The following CAMTA1 variants were observed in gnomAD, a reference collection of about 807,000 sequenced individuals.
The protein encoded by CAMTA1 is calmodulin binding transcription activator 1, also known as calmodulin-binding transcription activator 1.
In CAMTA1, 27 loss-of-function variants were observed where a neutral mutation model predicts 170.9. That is an observed-to-expected ratio of 0.16 (90% CI 0.12 to 0.22). The LOEUF is 0.22. CAMTA1 is among the 10% of genes least tolerant of loss of function. The pLI is 1.00. For synonymous variants in CAMTA1, 833 were observed against 891.5 expected (o/e 0.93, Z 1.17); for missense variants, 1,619 against 2,217.2 (o/e 0.73, Z 5.42).
chr1:7,554,332 C>T (rs1238366107), intron 6 of CAMTA1, among the ~76,000 whole-genome samples: 1 of 152,130 alleles, frequency 6.6e-6, no homozygotes, highest in African/African-American at 2.4e-5. Context: ...TCTGTAGAGA[C>T]CTAGTATGTG....
At chr1:7,284,352 T>C (rs557478783) in intron 5 of CAMTA1, among the ~76,000 whole-genome samples, 1 of 151,956 alleles carries the variant, frequency 6.6e-6, no homozygotes, top group Non-Finnish European at 1.5e-5. Context: ...TACAGGCCCG[T>C]GCCACCAGGC....
At chr1:6,920,417 T>A (rs1267764678) in intron 3 of CAMTA1, among the ~76,000 whole-genome samples, 1 of 152,238 alleles carries the variant, frequency 6.6e-6, no homozygotes, top group African/African-American at 2.4e-5. Flanking sequence ...CTTGCTACTT[T>A]CACAGGCTGT....
intron 22 of CAMTA1, among the ~76,000 whole-genome samples, chr1:7,761,537 C>T (rs1452192224): frequency 1.3e-5 from 2 of 152,140 alleles, no homozygotes; most frequent in Non-Finnish European, 2.9e-5. Flanking sequence ...TAACCCTTAG[C>T]TAAGTGTGTG....
chr1:6,995,667 G>A (rs1010774670), intron 3 of CAMTA1, among the ~76,000 whole-genome samples: 1 of 152,164 alleles, frequency 6.6e-6, no homozygotes, highest in Non-Finnish European at 1.5e-5. Context: ...CAAGTATGGT[G>A]TGACTAACAG....
At chr1:7,630,629 G>T (rs1341629795) in intron 6 of CAMTA1, among the ~76,000 whole-genome samples, 5 of 152,246 alleles carry the variant, frequency 3.3e-5, no homozygotes, top group Admixed American at 3.3e-4. Context: ...CCAAAGCAGG[G>T]AAGGGCTGCC....
Position 7,333,603 on chromosome 1 carries a change from C to G in CAMTA1, c.438+83977C>G, listed in dbSNP as rs1034194483. 6.6e-6 allele frequency among the ~76,000 whole-genome samples: 1 copy of G among 152,210 alleles called. No individual in the cohort carries two copies. The highest frequency in any genetic ancestry group is 1.9e-4 in the East Asian group (1 of 5,200). ...AAGACAACTTTGTGAAAGGAAAAGG[C>G]TGAGGGGCTTAAATGCTGCTGTCGT... On this transcript the variant is annotated intron_variant, in intron 5 of 22. Transcript: ENST00000303635. This position sits in a 1 kb window ranked among gnomAD's most constrained non-coding sequence, Gnocchi z 4.4.
At chr1:6,885,820 T>C (rs1673049099) in intron 3 of CAMTA1, among the ~76,000 whole-genome samples, 1 of 152,092 alleles carries the variant, frequency 6.6e-6, no homozygotes, top group Non-Finnish European at 1.5e-5. Flanking sequence ...CCCTGATGTG[T>C]GGACACTCTT....
intron 6 of CAMTA1, among the ~76,000 whole-genome samples, chr1:7,497,768 C>T (rs1197254770): frequency 4.6e-5 from 7 of 152,178 alleles, no homozygotes; most frequent in African/African-American, 1.2e-4. Flanking sequence ...AGAGAGCAGA[C>T]GGACTGGAGT....
chr1:7,396,428 C>T (rs995163712), intron 5 of CAMTA1, among the ~76,000 whole-genome samples: 1 of 152,174 alleles, frequency 6.6e-6, no homozygotes, highest in Non-Finnish European at 1.5e-5. Context: ...TATAGCAATA[C>T]AAATAGACTA....
chr1:7,568,422 TCAC>T, intron 6 of CAMTA1, among the ~76,000 whole-genome samples: 1 of 144,732 alleles, frequency 6.9e-6, no homozygotes, highest in Middle Eastern at 3.9e-3. Context: ...ACCATCATCA[TCAC>T]CACATCACCA....
chr1:7,307,028 T>G (rs1675699995), intron 5 of CAMTA1, among the ~76,000 whole-genome samples: 1 of 151,956 alleles, frequency 6.6e-6, no homozygotes, highest in South Asian at 2.1e-4. Context: ...GATCTGTGGA[T>G]TTTTATATCC....
At chr1:7,153,698 CG>C (rs1646707027) in intron 4 of CAMTA1, among the ~76,000 whole-genome samples, 1 of 152,088 alleles carries the variant, frequency 6.6e-6, no homozygotes, top group Non-Finnish European at 1.5e-5. Context: ...ATCTGGTGGG[CG>C]GGGACATTGC....
chr1:7,133,724 G>A (rs1015864311), intron 4 of CAMTA1, among the ~76,000 whole-genome samples: 11 of 152,180 alleles, frequency 7.2e-5, no homozygotes. Flanking sequence ...TGGTGAGAGA[G>A]TGGGAGAACT....
At chr1:7,452,356 GT>G (rs1423069675) in intron 5 of CAMTA1, among the ~76,000 whole-genome samples, 2 of 152,064 alleles carry the variant, frequency 1.3e-5, no homozygotes, top group Non-Finnish European at 2.9e-5. Context: ...GTTTCTTTTT[GT>G]TTGTTTTCAT....
chr1:7,250,320 C>T (rs74051684), intron 5 of CAMTA1, among the ~76,000 whole-genome samples: 9,614 of 152,228 alleles, frequency 0.063, 967 homozygotes, highest in African/African-American at 0.21. Flanking sequence ...GTGTCACAGC[C>T]GTAGAGGGGG....
chr1:7,495,931 G>A (rs1217627146), intron 6 of CAMTA1, among the ~76,000 whole-genome samples: 1 of 152,176 alleles, frequency 6.6e-6, no homozygotes, highest in African/African-American at 2.4e-5. Flanking sequence ...TCCTGTCTTG[G>A]TCTTGCCCAG....
At chr1:7,636,709 CA>C (rs34844874) in intron 6 of CAMTA1, among the ~76,000 whole-genome samples, 30,304 of 137,846 alleles carry the variant, frequency 0.22, 5,905 homozygotes, top group African/African-American at 0.54. Flanking sequence ...AACTCCATCT[CA>C]AAAAAAAAAA....
intron 3 of CAMTA1, among the ~76,000 whole-genome samples, chr1:6,880,339 T>C (rs1671159983): frequency 6.7e-6 from 1 of 149,196 alleles, no homozygotes; most frequent in Non-Finnish European, 1.5e-5. Flanking sequence ...CCTCCCAACG[T>C]GTGGGGTTAC....
rs930667800 is a variant in CAMTA1 at position 7,635,334 on chromosome 1, G to T, written c.511-5066G>T. ...CCAGAATCAAGGATCCGGGCCGGGC[G>T]TGGTGGCTCACGCCTGTAATCCCAG... On this transcript the variant is annotated intron_variant, in intron 6 of 22. Transcript: ENST00000303635. The surrounding 1 kb of genome is among the most constrained non-coding windows in gnomAD (Gnocchi z 4.4). Among the ~76,000 whole-genome samples the T allele has an allele frequency of 1.3e-5, 2 of 152,178 alleles. No individual in the cohort carries two copies. The highest frequency in any genetic ancestry group is 4.8e-5 in the African/African-American group (2 of 41,438).
Sources: gnomAD v4.1 joint callset for allele counts (sites outside exome capture counted in the v4.1 genomes callset) on GRCh38, gnomAD v4.1.1 for gene constraint, Gnocchi (gnomAD v3.1) non-coding constraint, MANE v1.5 for transcripts, NCBI Gene and HGNC (gene_info 2026-07-23, HGNC 2026-07-21) for gene names.